FGF20: variants seen among roughly 807,000 people sequenced by gnomAD.
The protein encoded by FGF20 is fibroblast growth factor 20.
FGF20 carries 8 observed loss-of-function variants against 16.7 expected under a neutral mutation model. The ratio of observed to expected loss-of-function variants is 0.48; its 90% CI spans 0.28 to 0.87. FGF20 has a LOEUF of 0.87. Among genes scored for constraint, FGF20 ranks in the 40% least tolerant of loss-of-function variants. The pLI, the probability that FGF20 is intolerant of heterozygous loss-of-function variation, is 0.10. For synonymous variants in FGF20, 161 were observed against 118.6 expected (o/e 1.36, Z -2.32); for missense variants, 397 against 281.4 (o/e 1.41, Z -2.94).
chr8:16,999,688 AT>A (rs59591258), intron 1 of FGF20, among the ~76,000 whole-genome samples: 18,796 of 132,724 alleles, frequency 0.14, 1,489 homozygotes, highest in East Asian at 0.35. Flanking sequence ...CGCCCAGCTA[AT>A]TTTTTTTTTT....
In FGF20 at chr8:16,992,990, C is replaced by T. The variant is rs1809950007; in HGVS notation, c.*82G>A. The T allele has an allele frequency of 3.4e-6, 5 of 1,478,470 alleles. No homozygotes were observed. The highest frequency in any genetic ancestry group is 4.6e-6 in the Non-Finnish European group (5 of 1,094,300). 91.6% of individuals were successfully genotyped at this position (1,478,470 alleles called of 1,614,324 possible). ...TAGACTTTAATATTTTGAACGTCTC[C>T]TTGGGTCATTATTTTATGATGGGAA... On this transcript the variant is annotated 3_prime_UTR_variant, in exon 3 of 3. Coordinates refer to ENST00000180166, the MANE Select transcript of FGF20 (RefSeq NM_019851.3).
intron 2 of FGF20, among the ~76,000 whole-genome samples, chr8:16,994,710 A>T (rs185428486): frequency 1.2e-3 from 188 of 152,334 alleles, no homozygotes; most frequent in African/African-American, 4.2e-3. Flanking sequence ...AAAAGTTACC[A>T]GAGAGTGCCA....
rs1695692722 is a variant in FGF20 at position 17,001,963 on chromosome 8, G to T, written c.70C>A (p.His24Asn). 2.0e-6 allele frequency: 3 copies of T among 1,507,148 alleles called. No individual in the cohort carries two copies. The African/African-American group carries it at 4.3e-5, about 22-fold the overall frequency. 93.4% of individuals were successfully genotyped at this position (1,507,148 alleles called of 1,614,324 possible). Residue 24 changes from histidine to asparagine, a missense_variant, in exon 1 of 3, where the codon CAT becomes AAT. Transcript: ENST00000180166. ...LEGLGQQVGSHFLLPPAGERP... is the reference protein window; with the variant it reads ...LEGLGQQVGSNFLLPPAGERP... ...TCCCCGGCAGGAGGCAACAGGAAATGCGAACCCACCTGCTGGCCCAAGCCC... is the reference window on the plus strand; with the variant it reads ...TCCCCGGCAGGAGGCAACAGGAAATTCGAACCCACCTGCTGGCCCAAGCCC...
intron 2 of FGF20, 70 bp from the exon 3 acceptor site, chr8:16,993,387 C>T: frequency 9.2e-6 from 13 of 1,414,854 alleles, no homozygotes; most frequent in Non-Finnish European, 1.2e-5. Flanking sequence ...CAAGTTTCAA[C>T]TCTATATTTT....
In FGF20 at chr8:16,992,198, C is replaced by A. The variant is rs1478331660; in HGVS notation, c.*874G>T. The A allele has an allele frequency of 1.3e-5, 2 of 152,096 alleles. No individual in the cohort carries two copies. The highest frequency in any genetic ancestry group is 2.9e-5 in the Non-Finnish European group (2 of 68,016). The allele number at this position is 152,096 out of a possible 1,614,324, so 9.4% of individuals were successfully genotyped here. On this transcript the variant is annotated 3_prime_UTR_variant, in exon 3 of 3. Coordinates refer to ENST00000180166, the MANE Select transcript of FGF20 (RefSeq NM_019851.3). ...AAACACTGCATGAAAATGTTTAATT[C>A]CCTTTTGAATGTGTGTTGAATTTAA...
In FGF20 at chr8:17,002,103, A is replaced by G; in HGVS notation, c.-71T>C. 1 of 1,426,690 alleles carries G rather than the reference A, an allele frequency of 7.0e-7. No homozygotes were observed. Among genetic ancestry groups the G allele is most frequent in the Non-Finnish European group, 9.2e-7 (1 of 1,088,930 alleles). 88.4% of individuals were successfully genotyped at this position (1,426,690 alleles called of 1,614,324 possible). On this transcript the variant is annotated 5_prime_UTR_variant, in exon 1 of 3. Transcript: ENST00000180166. ...TTGTGGGGGTGGGATGGAGGTGGATAGAGAAAAATTATAGCAAAACGAGCG... is the reference window on the plus strand; with the variant it reads ...TTGTGGGGGTGGGATGGAGGTGGATGGAGAAAAATTATAGCAAAACGAGCG...
chr8:17,001,678 T>A, intron 1 of FGF20, 69 bp downstream of exon 1: 1 of 1,445,868 alleles, frequency 6.9e-7, no homozygotes, highest in Non-Finnish European at 9.1e-7. Context: ...AAGAGGGAGG[T>A]GCAAGGGGAG....
chr8:16,996,075 A>C (rs17550165), intron 1 of FGF20, among the ~76,000 whole-genome samples: 1 of 152,082 alleles, frequency 6.6e-6, no homozygotes, highest in Non-Finnish European at 1.5e-5. Flanking sequence ...TGCAGCGGGG[A>C]GGAGCCTGGC....
intron 2 of FGF20, 97 bp from the exon 3 acceptor site, chr8:16,993,414 C>G: frequency 2.4e-6 from 3 of 1,255,916 alleles, no homozygotes; most frequent in Non-Finnish European, 2.2e-6. Flanking sequence ...TTTGCCTTGT[C>G]AAAGAAAGAA....
chr8:16,993,584 G>C (rs1016003176), intron 2 of FGF20, among the ~76,000 whole-genome samples: 1 of 152,010 alleles, frequency 6.6e-6, no homozygotes, highest in Admixed American at 6.6e-5. Flanking sequence ...CACGGACCAG[G>C]ATGGGGACAC....
chr8:17,001,686 G>T (rs1482543303), intron 1 of FGF20, 61 bp downstream of exon 1: 12 of 1,484,126 alleles, frequency 8.1e-6, no homozygotes, highest in Non-Finnish European at 1.1e-5. Context: ...GGTGCAAGGG[G>T]AGGGAACGAG....
intron 2 of FGF20, among the ~76,000 whole-genome samples, chr8:16,995,266 G>A (rs569847281): frequency 6.6e-6 from 1 of 152,180 alleles, no homozygotes; most frequent in Admixed American, 6.5e-5. Flanking sequence ...CGTATATTTA[G>A]CTGTGGAAGA....
chr8:16,993,296 T>C lies in FGF20; in HGVS notation c.412A>G (p.Ile138Val), dbSNP rs1809959923. Reference sequence around the variant, plus strand: ...TTCTCTTCAAACTGCTCCCTAAAGATGCATTCGGAAGTAAGTTTCTCCTGA... The same window carrying C: ...TTCTCTTCAAACTGCTCCCTAAAGACGCATTCGGAAGTAAGTTTCTCCTGA... ...YGSEKLTSEC[I>V]FREQFEENWY... is the part of the protein sequence containing the mutation. Residue 138 changes from isoleucine to valine, a missense_variant, in exon 3 of 3, where the codon ATC (isoleucine) becomes GTC (valine). Coordinates refer to ENST00000180166, the MANE Select transcript of FGF20 (RefSeq NM_019851.3). 1.2e-6 allele frequency: 2 copies of C among 1,610,802 alleles called. No homozygotes were observed. Among genetic ancestry groups the C allele is most frequent in the Middle Eastern group, 1.7e-4 (1 of 6,036 alleles).
intron 2 of FGF20, 136 bp from the exon 3 acceptor site, chr8:16,993,453 G>C (rs1390265385): frequency 4.4e-6 from 4 of 910,588 alleles, no homozygotes; most frequent in Non-Finnish European, 6.5e-6. Context: ...GCTTTATTTT[G>C]TTTTAGTTCA....
intron 1 of FGF20, among the ~76,000 whole-genome samples, chr8:16,999,705 G>GTTTTTT (rs1810139214): frequency 1.1e-5 from 1 of 94,402 alleles, no homozygotes; most frequent in Non-Finnish European, 2.1e-5. Context: ...TTTTTTTTTT[G>GTTTTTT]TATTTTTTGT....
intron 1 of FGF20, among the ~76,000 whole-genome samples, chr8:17,000,146 G>A (rs1046731775): frequency 6.6e-6 from 1 of 152,070 alleles, no homozygotes; most frequent in Non-Finnish European, 1.5e-5. Context: ...AAGATTGCCG[G>A]AGGCCAGAAG....
chr8:17,001,876 C>T lies in FGF20; in HGVS notation c.157G>A (p.Gly53Arg). ...TGCAGGTGCGCCAGCTGCGCAGCCCCCGGCCCGCCGCGCGCGCTCCGCTCC... is the reference window on the plus strand; with the variant it reads ...TGCAGGTGCGCCAGCTGCGCAGCCCTCGGCCCGCCGCGCGCGCTCCGCTCC... ...AAERSARGGP[G>R]AAQLAHLHGI... The change falls in exon 1 of 3, where the codon GGG becomes AGG. Residue 53 changes from glycine to arginine, a missense_variant. By Grantham distance (125) the Gly-to-Arg change is moderately radical. Coordinates refer to ENST00000180166, the MANE Select transcript of FGF20 (RefSeq NM_019851.3). The T allele has an allele frequency of 6.9e-7, 1 of 1,439,372 alleles. No homozygotes were observed. Among genetic ancestry groups the T allele is most frequent in the East Asian group, 3.0e-5 (1 of 32,878 alleles). 89.2% of individuals were successfully genotyped at this position (1,439,372 alleles called of 1,614,324 possible).
chr8:16,993,165 G>C lies in FGF20; in HGVS notation c.543C>G (p.Ser181=). ...AATGTGTAAATTTCTGATGCCTCTT[G>C]GACCTGGCGCCATCTCTTGGAGTTC... ...KDGTPRDGAR[S]KRHQKFTHFL... is the part of the protein sequence containing the mutation. Residue 181 remains serine (S), a synonymous_variant, in exon 3 of 3, where the codon TCC becomes TCG. Coordinates refer to ENST00000180166, the MANE Select transcript of FGF20 (RefSeq NM_019851.3). The C allele has an allele frequency of 6.2e-7, 1 of 1,613,946 alleles. No individual in the cohort carries two copies. Among genetic ancestry groups the C allele is most frequent in the Non-Finnish European group, 8.5e-7 (1 of 1,179,990 alleles).
chr8:16,997,846 A>T (rs192907382), intron 1 of FGF20, among the ~76,000 whole-genome samples: 17 of 152,364 alleles, frequency 1.1e-4, no homozygotes, highest in Non-Finnish European at 2.2e-4. Context: ...TAGAAAATAT[A>T]TATATTAATG....
Sources: allele counts gnomAD v4.1 joint callset (sites outside exome capture counted in the v4.1 genomes callset), GRCh38; gene constraint gnomAD v4.1.1; transcripts MANE v1.5; gene names NCBI Gene and HGNC (gene_info 2026-07-23, HGNC 2026-07-21).